MYO15B: variants seen among roughly 807,000 people sequenced by gnomAD.
MYO15B encodes the protein myosin XVB pseudogene.
In MYO15B, 207 loss-of-function variants were observed where a neutral mutation model predicts 119.3. The ratio of observed to expected loss-of-function variants is 1.73; its 90% confidence interval spans 1.55 to 1.95. The LOEUF (loss-of-function observed/expected upper bound fraction) is 1.95. Among genes scored for constraint, MYO15B ranks in the 30% most tolerant of loss-of-function variants. The pLI is 0.00. For missense variants in MYO15B, 2,264 were observed against 1,203.1 expected (o/e 1.88, Z -13.04); for synonymous variants, 966 against 498.9 (o/e 1.94, Z -12.48).
chr17:75,625,865 T>C (rs1347482006), exon 62 of MYO15B: 4 of 702,974 alleles, frequency 5.7e-6, no homozygotes, highest in Non-Finnish European at 1.0e-5. Flanking sequence ...CAGCTGCCCC[T>C]CTTCGGCTAC....
intron 59 of MYO15B, 92 bp downstream of exon 59, chr17:75,625,008 G>A: frequency 1.5e-6 from 1 of 668,350 alleles, no homozygotes; most frequent in East Asian, 2.7e-5. Flanking sequence ...ACAAGGGTGT[G>A]GGTCTGTGGT....
chr17:75,590,006 G>A, exon 1 of MYO15B: 1 of 398,800 alleles, frequency 2.5e-6, no homozygotes, highest in Non-Finnish European at 4.4e-6. Flanking sequence ...CCTAGGCTTG[G>A]CGCCGCCGTG....
chr17:75,588,536 C>T (rs1348640716), exon 1 of MYO15B: 1 of 398,638 alleles, frequency 2.5e-6, no homozygotes. Context: ...AGCTCCTGTC[C>T]GGACAGCGAA....
At chr17:75,602,062 C>T (rs1357956942) in intron 15 of MYO15B, among the ~76,000 whole-genome samples, 8 of 151,746 alleles carry the variant, frequency 5.3e-5, no homozygotes, top group Admixed American at 3.9e-4. Context: ...GGTGGGGGAG[C>T]GGGGGCTGGA....
chr17:75,610,627 C>T, intron 22 of MYO15B: 1 of 552,830 alleles, frequency 1.8e-6, no homozygotes, highest in Non-Finnish European at 3.2e-6. Context: ...CCTCTCTGGC[C>T]CCTCCCTGGC....
rs905866316 is a variant in MYO15B, at chr17:75,624,356, A to G, written c.8368-14A>G. The G allele has an allele frequency of 4.3e-6, 3 of 702,532 alleles. No homozygotes were observed. Among genetic ancestry groups the G allele is most frequent in the Middle Eastern group, 4.6e-4 (2 of 4,392 alleles). The allele number at this position is 702,532 out of a possible 1,614,324, so 43.5% of individuals were successfully genotyped here. A position where few individuals can be genotyped will look rare whatever the true frequency, so the allele number is the denominator to read the frequency against. On this transcript the variant is annotated splice_polypyrimidine_tract_variant and intron_variant, in intron 56 of 63. Transcript: ENST00000645453. ...AGACCACTGGCCGACTGACCCTGCAACCTGCCTTGGCAGAAAGGACAAGCG... is the reference window on the plus strand; with the variant it reads ...AGACCACTGGCCGACTGACCCTGCAGCCTGCCTTGGCAGAAAGGACAAGCG...
chr17:75,592,628 G>A, intron 8 of MYO15B, 51 bp from the exon 9 acceptor site: 1 of 661,552 alleles, frequency 1.5e-6, no homozygotes, highest in South Asian at 1.6e-5. Flanking sequence ...GGAGTAGAGG[G>A]AGGCTATGGG....
At chr17:75,601,874 G>C (rs890077428) in intron 15 of MYO15B, among the ~76,000 whole-genome samples, 4 of 152,232 alleles carry the variant, frequency 2.6e-5, no homozygotes, top group African/African-American at 9.6e-5. Flanking sequence ...CTGTAAAATG[G>C]GTATGGAGAC....
chr17:75,603,245 C>G (rs1281908054), exon 19 of MYO15B: 1 of 703,132 alleles, frequency 1.4e-6, no homozygotes, highest in Non-Finnish European at 2.6e-6. Context: ...GGCAGCCATA[C>G]TGGAGGCCGT....
chr17:75,613,440 C>T (rs775788381), exon 28 of MYO15B: 1 of 681,256 alleles, frequency 1.5e-6, no homozygotes, highest in African/African-American at 1.8e-5. Flanking sequence ...GGCGGCGGGG[C>T]CGCATGGCGC....
chr17:75,597,298 C>T (rs1163551386), intron 14 of MYO15B, among the ~76,000 whole-genome samples: 1 of 152,232 alleles, frequency 6.6e-6, no homozygotes, highest in Non-Finnish European at 1.5e-5. Flanking sequence ...CCCCAGGGTA[C>T]CATGTCCCCC....
At chr17:75,616,257 A>G (rs538807349) in intron 37 of MYO15B, 55 bp from the exon 38 acceptor site, 2 of 592,842 alleles carry the variant, frequency 3.4e-6, no homozygotes, top group Non-Finnish European at 6.0e-6. Flanking sequence ...CGGCCCATCC[A>G]GGAGCCCAGC....
intron 55 of MYO15B, 51 bp downstream of exon 55, chr17:75,624,115 G>A: frequency 4.3e-6 from 3 of 702,756 alleles, no homozygotes; most frequent in Admixed American, 4.0e-5. Context: ...CTAGGACTGG[G>A]AACTTGGTGG....
exon 42 of MYO15B, chr17:75,617,892 C>T (rs2058475661): frequency 1.4e-6 from 1 of 702,816 alleles, no homozygotes; most frequent in South Asian, 1.5e-5. Context: ...CCTACACCGG[C>T]ACGCCCTGGA....
chr17:75,606,090 G>C, intron 21 of MYO15B, 69 bp downstream of exon 21: 2 of 614,724 alleles, frequency 3.3e-6, no homozygotes, highest in Non-Finnish European at 5.9e-6. Context: ...CCAGGTGGTG[G>C]GGCAGGGTTG....
exon 13 of MYO15B, chr17:75,596,463 C>T (rs1432826471): frequency 2.8e-6 from 2 of 702,860 alleles, no homozygotes; most frequent in South Asian, 1.5e-5. Flanking sequence ...CCCCCAGGCC[C>T]TGCGGGTGAA....
At chr17:75,603,711 G>C (rs2057436700) in intron 19 of MYO15B, among the ~76,000 whole-genome samples, 1 of 151,678 alleles carries the variant, frequency 6.6e-6, no homozygotes, top group South Asian at 2.1e-4. Flanking sequence ...CCTCTCAGAA[G>C]GGCAGGAGGG....
chr17:75,614,055 A>G (rs374640111), intron 29 of MYO15B, 144 bp from the exon 30 acceptor site: 30 of 615,056 alleles, frequency 4.9e-5, no homozygotes, highest in African/African-American at 3.5e-4. Flanking sequence ...AGCAGCCCCC[A>G]CTGCTGAGCA....
chr17:75,600,166 G>A (rs1157617906), intron 14 of MYO15B, among the ~76,000 whole-genome samples: 7 of 150,634 alleles, frequency 4.6e-5, no homozygotes, highest in African/African-American at 1.2e-4. Flanking sequence ...AGCTGGGACC[G>A]CAGGTGCCCG....
Sources: gnomAD v4.1 joint callset for allele counts (sites outside exome capture counted in the v4.1 genomes callset) on GRCh38, gnomAD v4.1.1 for gene constraint, MANE v1.5 for transcripts, NCBI Gene and HGNC (gene_info 2026-07-23, HGNC 2026-07-21) for gene names.